The following APBB2 variants were observed in gnomAD, a reference collection of about 807,000 sequenced individuals.
APBB2 encodes amyloid beta precursor protein binding family B member 2.
Under a neutral mutation model 82.5 loss-of-function variants are expected in APBB2, and 38 were observed. The observed-to-expected ratio is 0.46, with a 90% confidence interval of 0.36 to 0.60. The LOEUF is 0.60. Among genes scored for constraint, APBB2 ranks in the 20% least tolerant of loss-of-function variants. The pLI is 0.00. For synonymous variants in APBB2, 341 were observed against 368.2 expected, an observed-to-expected ratio of 0.93 and a Z score of 0.85; for missense variants, 772 against 972.3, an observed-to-expected ratio of 0.79 and a Z score of 2.74.
rs1745333366 is a variant in APBB2, at chr4:40,815,337, T to C, written c.*755A>G. The C allele has an allele frequency of 6.6e-6, 1 of 152,648 alleles. No individual in the cohort carries two copies. The highest frequency in any genetic ancestry group is 2.4e-5 in the African/African-American group (1 of 41,448). 9.5% of individuals were successfully genotyped at this position (152,648 alleles called of 1,614,324 possible). On this transcript the variant is annotated 3_prime_UTR_variant, in exon 18 of 18. Coordinates refer to ENST00000508593, the MANE Select transcript of APBB2 (RefSeq NM_004307.2). ...GTCCCACCCAAAATGCATTATGATTTTATTAATCTCTTTTAAAAATAATCA... is the reference window on the plus strand; with the variant it reads ...GTCCCACCCAAAATGCATTATGATTCTATTAATCTCTTTTAAAAATAATCA...
intron 2 of APBB2, among the ~76,000 whole-genome samples, chr4:41,103,774 C>A (rs765356674): frequency 6.6e-6 from 1 of 152,090 alleles, no homozygotes; most frequent in Non-Finnish European, 1.5e-5. Flanking sequence ...TGAATCCAGC[C>A]AATAGAATGA....
At chr4:40,953,140 CA>C (rs1193605747) in intron 6 of APBB2, among the ~76,000 whole-genome samples, 1 of 150,974 alleles carries the variant, frequency 6.6e-6, no homozygotes, top group Non-Finnish European at 1.5e-5. Context: ...ACTAAAAATA[CA>C]AAAAAAATTA....
chr4:41,199,018 T>A (rs1425247701), intron 1 of APBB2, among the ~76,000 whole-genome samples: 3 of 152,206 alleles, frequency 2.0e-5, no homozygotes, highest in Non-Finnish European at 4.4e-5. Context: ...CCTCTTCTTA[T>A]AAGAAAACCA....
At chr4:40,831,614 G>A (rs1469672334) in intron 12 of APBB2, among the ~76,000 whole-genome samples, 1 of 152,102 alleles carries the variant, frequency 6.6e-6, no homozygotes, top group African/African-American at 2.4e-5. Context: ...CAAACAATAG[G>A]CTCTGATGTA....
chr4:41,083,672 T>C (rs1282722034), intron 3 of APBB2, among the ~76,000 whole-genome samples: 2 of 115,118 alleles, frequency 1.7e-5, no homozygotes, highest in Non-Finnish European at 1.6e-5. Flanking sequence ...TGGAGACAGA[T>C]TGAGACTCTG....
chr4:41,033,358 A>C (rs1037507080), intron 4 of APBB2, 54 bp from the exon 5 acceptor site: 29 of 1,201,056 alleles, frequency 2.4e-5, no homozygotes, highest in Middle Eastern at 2.1e-4. Flanking sequence ...AAAGCATAAA[A>C]GAAAGAAAAG....
chr4:40,912,992 C>T (rs934794522), intron 10 of APBB2, among the ~76,000 whole-genome samples: 8 of 152,240 alleles, frequency 5.3e-5, no homozygotes, highest in Non-Finnish European at 8.8e-5. Context: ...ATTTACACTA[C>T]AGATTACGTT....
intron 10 of APBB2, among the ~76,000 whole-genome samples, chr4:40,916,874 G>A (rs570673512): frequency 1.2e-4 from 19 of 152,310 alleles, no homozygotes; most frequent in East Asian, 5.8e-4. Context: ...TGCAGTGAAC[G>A]GGAGACCTGA....
chr4:40,970,773 C>T (rs1165023480), intron 6 of APBB2, among the ~76,000 whole-genome samples: 4 of 152,146 alleles, frequency 2.6e-5, no homozygotes, highest in South Asian at 2.1e-4. Flanking sequence ...CCACTGCCCT[C>T]GTTTCCTGGA....
intron 1 of APBB2, among the ~76,000 whole-genome samples, chr4:41,196,622 T>C: frequency 7.1e-6 from 1 of 140,614 alleles, no homozygotes; most frequent in Admixed American, 7.0e-5. Flanking sequence ...TTTTTTTTTT[T>C]GCAAGTGGGG....
chr4:41,094,657 C>T (rs577281429), intron 3 of APBB2, among the ~76,000 whole-genome samples: 49 of 152,268 alleles, frequency 3.2e-4, no homozygotes, highest in Non-Finnish European at 5.3e-4. Flanking sequence ...CTCTGTCTCC[C>T]GGGTTCAAGC....
intron 1 of APBB2, among the ~76,000 whole-genome samples, chr4:41,149,845 T>C (rs1464009978): frequency 6.6e-6 from 1 of 151,850 alleles, no homozygotes; most frequent in Non-Finnish European, 1.5e-5. Flanking sequence ...GATGGTTTTA[T>C]AAAGAGCAAT....
intron 6 of APBB2, among the ~76,000 whole-genome samples, chr4:40,965,526 A>G (rs1290038591): frequency 6.6e-6 from 1 of 152,236 alleles, no homozygotes; most frequent in Non-Finnish European, 1.5e-5. Flanking sequence ...TGCTGTCAGT[A>G]TAAAACGCAC....
At chr4:40,890,582 A>G in intron 11 of APBB2, 91 bp from the exon 12 acceptor site, 1 of 1,538,794 alleles carries the variant, frequency 6.5e-7, no homozygotes, top group Non-Finnish European at 8.8e-7. Context: ...CGTGTCAACC[A>G]TCAGAAGAAG....
chr4:41,174,961 C>T (rs994390290), intron 1 of APBB2, among the ~76,000 whole-genome samples: 4 of 152,238 alleles, frequency 2.6e-5, no homozygotes, highest in Middle Eastern at 3.4e-3. Flanking sequence ...ATATCCTGAG[C>T]GTTCCAGAAT....
chr4:40,947,271 G>C (rs1332519308), intron 6 of APBB2, among the ~76,000 whole-genome samples: 1 of 152,196 alleles, frequency 6.6e-6, no homozygotes, highest in African/African-American at 2.4e-5. Context: ...CTCACAGACA[G>C]CGAGCTCTGG....
chr4:40,989,325 C>T (rs1801358406), intron 6 of APBB2, among the ~76,000 whole-genome samples: 1 of 152,094 alleles, frequency 6.6e-6, no homozygotes, highest in African/African-American at 2.4e-5. Context: ...TGAGAAATGG[C>T]TTCCAGAGGT....
At chr4:41,098,012 C>A (rs187605735) in intron 3 of APBB2, among the ~76,000 whole-genome samples, 6 of 151,180 alleles carry the variant, frequency 4.0e-5, no homozygotes, top group Admixed American at 2.0e-4. Flanking sequence ...ACACCTCCCC[C>A]CTCCCCTCCC....
At chr4:40,843,403 G>T (rs1006638529) in intron 12 of APBB2, among the ~76,000 whole-genome samples, 2 of 151,038 alleles carry the variant, frequency 1.3e-5, no homozygotes, top group East Asian at 3.9e-4. Flanking sequence ...CAATGACCAT[G>T]GCACACTAGT....
Sources: allele counts gnomAD v4.1 joint callset (sites outside exome capture counted in the v4.1 genomes callset), GRCh38; gene constraint gnomAD v4.1.1; transcripts MANE v1.5; gene names NCBI Gene and HGNC (gene_info 2026-07-23, HGNC 2026-07-21).